Variants in KDM4A observed in about 807,000 individuals in gnomAD.
The protein encoded by KDM4A is lysine demethylase 4A, also known as lysine-specific demethylase 4A.
In KDM4A, 23 loss-of-function variants were observed where a neutral mutation model predicts 127.1. That is an observed-to-expected ratio of 0.18 (90% CI 0.13 to 0.26). The LOEUF is 0.26. KDM4A is among the 10% of genes least tolerant of loss of function. The probability of loss-of-function intolerance (pLI) is 1.00; values close to 1 mark genes in which losing one functional copy is unlikely to be tolerated. For missense variants in KDM4A, 890 were observed against 1,329.1 expected, an observed-to-expected ratio of 0.67 and a Z score of 5.14; for synonymous variants, 443 against 466.5, an observed-to-expected ratio of 0.95 and a Z score of 0.65.
chr1:43,698,440 T>C (rs1661297682), intron 19 of KDM4A, among the ~76,000 whole-genome samples: 1 of 152,182 alleles, frequency 6.6e-6, no homozygotes, highest in African/African-American at 2.4e-5. Flanking sequence ...CTTTTGTCTC[T>C]TCACAGTGGG....
chr1:43,680,679 G>C (rs1235761122), intron 11 of KDM4A, among the ~76,000 whole-genome samples: 1 of 152,186 alleles, frequency 6.6e-6, no homozygotes, highest in Non-Finnish European at 1.5e-5. Flanking sequence ...CTTGGCTCCT[G>C]GACCTCTAGG....
rs1029602478 is a variant in KDM4A, at chr1:43,694,769, C to T, written c.2545C>T (p.His849Tyr). Reference protein sequence around the residue: ...RTAGCCVQCSHGRCPTAFHVS... With the variant: ...RTAGCCVQCSYGRCPTAFHVS... ...TGCTGGCTGCTGTGTGCAGTGTTCTCACGGCCGCTGCCCAACTGCCTTCCA... is the reference window on the plus strand; with the variant it reads ...TGCTGGCTGCTGTGTGCAGTGTTCTTACGGCCGCTGCCCAACTGCCTTCCA... Residue 849 changes from histidine (H) to tyrosine (Y), a missense_variant, in exon 18 of 22, where the codon CAC (histidine) becomes TAC (tyrosine). By Grantham distance (83) the His-to-Tyr change is moderately conservative. Transcript: ENST00000372396. This position sits in a 1 kb window ranked among gnomAD's most constrained non-coding sequence, Gnocchi z 5.2. The T allele has an allele frequency of 1.2e-6, 2 of 1,613,990 alleles. No homozygotes were observed. The highest frequency in any genetic ancestry group is 1.7e-6 in the Non-Finnish European group (2 of 1,179,996).
chr1:43,667,436 A>G (rs1269998708), intron 8 of KDM4A, among the ~76,000 whole-genome samples: 1 of 152,154 alleles, frequency 6.6e-6, no homozygotes, highest in Non-Finnish European at 1.5e-5. Context: ...TGATAGTAGT[A>G]GACTTGCTTG....
intron 13 of KDM4A, 98 bp downstream of exon 13, chr1:43,689,193 AAAGGCCACCTCCACC>A (rs1394652632): frequency 3.2e-6 from 4 of 1,231,472 alleles, no homozygotes; most frequent in Admixed American, 3.7e-5. Context: ...TTGTCTTGGG[AAAGGCCACCTCCACC>A]CCCAGCATTC....
chr1:43,702,891 C>G (rs898678536), intron 19 of KDM4A, among the ~76,000 whole-genome samples: 1 of 151,930 alleles, frequency 6.6e-6, no homozygotes, highest in Non-Finnish European at 1.5e-5. Context: ...ATTAGCTGGG[C>G]ATGGTGGCAC....
chr1:43,655,049 C>T (rs1660208339), intron 2 of KDM4A, among the ~76,000 whole-genome samples: 2 of 152,132 alleles, frequency 1.3e-5, no homozygotes. Context: ...TGGGGTTTCA[C>T]CATGTTGGCC....
chr1:43,660,007 C>T (rs912718696), intron 3 of KDM4A, among the ~76,000 whole-genome samples: 1 of 152,152 alleles, frequency 6.6e-6, no homozygotes, highest in African/African-American at 2.4e-5. Context: ...CTGAATCTAG[C>T]AAGGTGTAGT....
rs1661136176 is a variant in KDM4A at position 43,692,306 on chromosome 1, T to C, written c.2370T>C (p.Asp790=). 1 of 1,614,020 alleles carries C rather than the reference T, an allele frequency of 6.2e-7. No individual in the cohort carries two copies. The highest frequency in any genetic ancestry group is 8.5e-7 in the Non-Finnish European group (1 of 1,179,942). Residue 790 remains aspartate, a synonymous_variant, in exon 16 of 22, where the codon GAT becomes GAC. Coordinates refer to ENST00000372396, the MANE Select transcript of KDM4A (RefSeq NM_014663.3). Reference sequence around the variant, plus strand: ...GAGGGGCCCTGCAGAGAGCAAATGATGACAGGTAAGTTTCCTGAGCAGTGC... The same window carrying C: ...GAGGGGCCCTGCAGAGAGCAAATGACGACAGGTAAGTTTCCTGAGCAGTGC... ...LRGGALQRAN[D]DRWVHVSCAV...
At chr1:43,676,610 T>C (rs1660747124) in intron 11 of KDM4A, among the ~76,000 whole-genome samples, 2 of 152,134 alleles carry the variant, frequency 1.3e-5, no homozygotes, top group South Asian at 4.1e-4. Flanking sequence ...TGAGCCACCA[T>C]TCTCGGCCAA....
At chr1:43,679,459 A>G (rs3791034) in intron 11 of KDM4A, among the ~76,000 whole-genome samples, 37,872 of 152,074 alleles carry the variant, frequency 0.25, 5,491 homozygotes, top group Non-Finnish European at 0.33. Flanking sequence ...GAGAGGTCTT[A>G]TAGCACTGGA....
intron 10 of KDM4A, among the ~76,000 whole-genome samples, 196 bp from the exon 11 acceptor site, chr1:43,671,309 C>T (rs1192910686): frequency 6.6e-6 from 1 of 152,178 alleles, no homozygotes; most frequent in Non-Finnish European, 1.5e-5. Context: ...AGCATCTTCT[C>T]ATTACAGAGG....
At chr1:43,681,606 A>C (rs1298040737) in intron 11 of KDM4A, among the ~76,000 whole-genome samples, 1 of 152,200 alleles carries the variant, frequency 6.6e-6, no homozygotes, top group East Asian at 1.9e-4. Context: ...GGTCCAGGCT[A>C]GAAATCCCCA....
chr1:43,677,630 G>A (rs1016714414), intron 11 of KDM4A, among the ~76,000 whole-genome samples: 12 of 152,126 alleles, frequency 7.9e-5, no homozygotes, highest in Non-Finnish European at 1.3e-4. Flanking sequence ...AGCTGTCATT[G>A]ATTGTCCAGT....
At chr1:43,667,219 G>T in intron 8 of KDM4A, 128 bp downstream of exon 8, 1 of 988,466 alleles carries the variant, frequency 1.0e-6, no homozygotes, top group Non-Finnish European at 1.5e-6. Context: ...CTAGCAATGT[G>T]TCAGAGTACT....
chr1:43,653,405 G>A (rs1660165014), intron 2 of KDM4A, 92 bp downstream of exon 2: 1 of 1,308,230 alleles, frequency 7.6e-7, no homozygotes, highest in Non-Finnish European at 1.0e-6. Flanking sequence ...GTGTTTTACT[G>A]AAAGTTGGGT....
chr1:43,659,728 T>A (rs1039752942), intron 3 of KDM4A, among the ~76,000 whole-genome samples: 2 of 152,264 alleles, frequency 1.3e-5, no homozygotes, highest in Non-Finnish European at 1.5e-5. Flanking sequence ...ATCTATATTT[T>A]TAGAGCTATT....
Position 43,690,710 on chromosome 1 carries a change from A to T in KDM4A, c.2038-135A>T, listed in dbSNP as rs1198920829. On this transcript the variant is annotated intron_variant, in intron 13 of 21. Transcript: ENST00000372396. ...GGTAACTTCAATTAGCAGCTCCGGGATAATGGCTGTGCACCCGGGAGCTGT... is the reference window on the plus strand; with the variant it reads ...GGTAACTTCAATTAGCAGCTCCGGGTTAATGGCTGTGCACCCGGGAGCTGT... 1.8e-5 allele frequency: 15 copies of T among 827,476 alleles called. No individual in the cohort carries two copies. In the Admixed American group the frequency reaches 2.7e-4, roughly 15 times the overall value. 51.3% of individuals were successfully genotyped at this position (827,476 alleles called of 1,614,324 possible). A position where few individuals can be genotyped will look rare whatever the true frequency, so the allele number is the denominator to read the frequency against.
intron 3 of KDM4A, among the ~76,000 whole-genome samples, chr1:43,658,342 A>G (rs1660295697): frequency 6.6e-6 from 1 of 152,150 alleles, no homozygotes; most frequent in African/African-American, 2.4e-5. Flanking sequence ...AAATGCTGGG[A>G]TTACAGGCAT....
At chr1:43,686,176 A>G (rs996378756) in intron 12 of KDM4A, among the ~76,000 whole-genome samples, 3 of 110,444 alleles carry the variant, frequency 2.7e-5, no homozygotes, top group East Asian at 2.9e-4. Flanking sequence ...TTTTTTTGAG[A>G]AGGAGTCTCA....
Sources: allele counts gnomAD v4.1 joint callset (sites outside exome capture counted in the v4.1 genomes callset), GRCh38; gene constraint gnomAD v4.1.1; non-coding constraint Gnocchi (gnomAD v3.1); transcripts MANE v1.5; gene names NCBI Gene and HGNC (gene_info 2026-07-23, HGNC 2026-07-21).